The following SSX5 variants were observed in gnomAD, a reference collection of about 807,000 sequenced individuals.
SSX5 encodes the protein protein SSX5.
In SSX5, 14 loss-of-function variants were observed where a neutral mutation model predicts 14.9. That is an observed-to-expected ratio of 0.94 (90% confidence interval 0.62 to 1.47). The LOEUF is 1.47. Ranked by LOEUF, SSX5 falls within the 40% of genes most tolerant of loss-of-function variation. The pLI is 0.00. For synonymous variants in SSX5, 70 were observed against 55.4 expected, an observed-to-expected ratio of 1.26 and a Z score of -1.17; for missense variants, 204 against 154.6, an observed-to-expected ratio of 1.32 and a Z score of -1.70.
intron 2 of SSX5, 133 bp downstream of exon 2, chrX:48,195,157 G>T: frequency 1.7e-6 from 2 of 1,211,292 alleles, no homozygotes; most frequent in South Asian, 3.5e-5. Flanking sequence ...GAGAGTGAGA[G>T]GCTCCCAAGG....
chrX:48,191,211 A>T lies in SSX5; in HGVS notation c.331-943T>A, dbSNP rs1556924697. 2.7e-5 allele frequency among the ~76,000 whole-genome samples: 3 copies of T among 111,504 alleles called. No individual in the cohort carries two copies. The East Asian group carries it at 8.4e-4, about 31-fold the overall frequency. On this transcript the variant is annotated intron_variant, in intron 5 of 7. Coordinates refer to ENST00000347757, the MANE Select transcript of SSX5 (RefSeq NM_175723.2). ...AGCCACCACGCCCAGTCCTTAGGCTACTTTTTATTCAGCTTCCTCACTTAT... is the reference window on the plus strand; with the variant it reads ...AGCCACCACGCCCAGTCCTTAGGCTTCTTTTTATTCAGCTTCCTCACTTAT...
In SSX5 at chrX:48,190,702, G is replaced by C. The variant is rs1178588579; in HGVS notation, c.331-434C>G. Among the ~76,000 whole-genome samples the C allele has an allele frequency of 2.7e-5, 3 of 111,204 alleles. No homozygotes were observed. In the East Asian group the frequency reaches 8.5e-4, roughly 31 times the overall value. On this transcript the variant is annotated intron_variant, in intron 5 of 7. Coordinates refer to ENST00000347757, the MANE Select transcript of SSX5 (RefSeq NM_175723.2). The stretch of plus-strand genomic sequence containing the variant: ...CATACAGAGGGGACAAAACACTGCT[G>C]AACAAGATGGTGTGGGGAGATGTAT...
chrX:48,196,441 G>A (rs1469435079), intron 1 of SSX5, among the ~76,000 whole-genome samples: 1 of 104,777 alleles, frequency 9.5e-6, no homozygotes, highest in African/African-American at 3.5e-5. Context: ...GTGCACTGGC[G>A]TGATCATGGT....
Position 48,186,736 on chromosome X carries a change from T to C in SSX5, c.*125A>G, listed in dbSNP as rs781820270. 8.7e-7 allele frequency: 1 copy of C among 1,151,244 alleles called. No individual in the cohort carries two copies. The highest frequency in any genetic ancestry group is 3.0e-5 in the East Asian group (1 of 33,579). 94.9% of individuals were successfully genotyped at this position (1,151,244 alleles called of 1,213,427 possible). A position where few individuals can be genotyped will look rare whatever the true frequency, so the allele number is the denominator to read the frequency against. ...AAAAATGACGCTCAACTTTTCACTG[T>C]TGTGAACACTTGCTTTCACTTGCTA... On this transcript the variant is annotated 3_prime_UTR_variant, in exon 8 of 8. Transcript: ENST00000347757.
rs782359113 is a variant in SSX5 at position 48,190,260 on chromosome X, G to C, written c.339C>G (p.Pro113=). ...RLQGIFPKIT[P]EKPAEEGNDS... is the part of the protein sequence containing the mutation. ...CATTTCCTTCCTCTGCTGGCTTCTC[G>C]GGCGTGATCTTTATAATGTGAAGGT... Residue 113 remains proline (P), a synonymous_variant, in exon 6 of 8, where the codon CCC becomes CCG. Coordinates refer to ENST00000347757, the MANE Select transcript of SSX5 (RefSeq NM_175723.2). The C allele has an allele frequency of 5.0e-6, 6 of 1,198,879 alleles. No individual in the cohort carries two copies. The highest frequency in any genetic ancestry group is 2.3e-4 in the Middle Eastern group (1 of 4,264).
chrX:48,189,990 G>C lies in SSX5; in HGVS notation c.466+143C>G, dbSNP rs781926983. 1.2e-3 allele frequency: 1,076 copies of C among 883,561 alleles called. 6 individuals carry two copies. Among genetic ancestry groups the C allele is most frequent in the Non-Finnish European group, 1.5e-3 (1,030 of 667,870 alleles). The allele number at this position is 883,561 out of a possible 1,213,427, so 72.8% of individuals were successfully genotyped here. ...CAGTCTGTGTCTCTGGAAGTCATGT[G>C]TAACATCTCATCTGGAGCTGGGCGA... On this transcript the variant is annotated intron_variant, in intron 6 of 7. Transcript: ENST00000347757.
chrX:48,190,123 T>G lies in SSX5; in HGVS notation c.466+10A>C. 1 of 1,209,571 alleles carries G rather than the reference T, an allele frequency of 8.3e-7. No individual in the cohort carries two copies. Among genetic ancestry groups the G allele is most frequent in the Non-Finnish European group, 1.1e-6 (1 of 894,519 alleles). On this transcript the variant is annotated intron_variant, in intron 6 of 7. Coordinates refer to ENST00000347757, the MANE Select transcript of SSX5 (RefSeq NM_175723.2). Reference sequence around the variant, plus strand: ...GCCAGAGTGGTTGTTCCCAAATTCTTTTCTCTTACCAGATGTCTTGTTAAC... The same window carrying G: ...GCCAGAGTGGTTGTTCCCAAATTCTGTTCTCTTACCAGATGTCTTGTTAAC...
chrX:48,189,498 C>A, intron 6 of SSX5, among the ~76,000 whole-genome samples: 1 of 111,935 alleles, frequency 8.9e-6, no homozygotes, highest in Non-Finnish European at 1.9e-5. Flanking sequence ...GGATCCTCCA[C>A]CAGCAAAAAG....
rs61004107 is a variant in SSX5, at chrX:48,186,365, GGTGTGTGTGTGTGTGTGT to G, written c.*478_*495del. Reference sequence around the variant, plus strand: ...TTGGGAGATGCCTATACTGGTACTTGGTGTGTGTGTGTGTGTGTGTGTGTGTGTGTGTGTGTGTGCGCG... The same window carrying G: ...TTGGGAGATGCCTATACTGGTACTTGGTGTGTGTGTGTGTGTGTGTGCGCG... On this transcript the variant is annotated 3_prime_UTR_variant, in exon 8 of 8. Coordinates refer to ENST00000347757, the MANE Select transcript of SSX5 (RefSeq NM_175723.2). 182 of 130,440 alleles carry G rather than the reference GGTGTGTGTGTGTGTGTGT, an allele frequency of 1.4e-3. 2 individuals carry two copies. The highest frequency in any genetic ancestry group is 7.0e-3 in the African/African-American group (174 of 24,950). 10.7% of individuals were successfully genotyped at this position (130,440 alleles called of 1,213,427 possible).
chrX:48,188,479 A>G (rs1361182707), intron 6 of SSX5, among the ~76,000 whole-genome samples: 2 of 112,462 alleles, frequency 1.8e-5, no homozygotes, highest in African/African-American at 6.5e-5. Flanking sequence ...TTCTGGGGGT[A>G]ACAGGAACTG....
intron 7 of SSX5, among the ~76,000 whole-genome samples, 162 bp downstream of exon 7, chrX:48,187,464 CA>C (rs200731189): frequency 7.6e-5 from 8 of 104,629 alleles, no homozygotes; most frequent in South Asian, 4.1e-4. Context: ...CCCCCACCCA[CA>C]AAAAAAAACA....
intron 4 of SSX5, 36 bp downstream of exon 4, chrX:48,194,093 G>A: frequency 8.3e-7 from 1 of 1,199,067 alleles, no homozygotes. Context: ...AGTTGCGCTT[G>A]AGGAGACCCT....
chrX:48,196,001 A>G (rs1181942120), intron 1 of SSX5, among the ~76,000 whole-genome samples: 2 of 111,638 alleles, frequency 1.8e-5, no homozygotes, highest in Non-Finnish European at 3.8e-5. Flanking sequence ...AACATGCACA[A>G]TCAGCCAGGC....
intron 5 of SSX5, among the ~76,000 whole-genome samples, chrX:48,191,310 GTAA>G (rs1239089563): frequency 1.8e-5 from 2 of 111,813 alleles, no homozygotes; most frequent in African/African-American, 6.5e-5. Flanking sequence ...TTTAAATGTA[GTAA>G]TAATAACAAT....
intron 5 of SSX5, among the ~76,000 whole-genome samples, chrX:48,191,404 G>T (rs1556924733): frequency 8.9e-6 from 1 of 111,826 alleles, no homozygotes; most frequent in Non-Finnish European, 1.9e-5. Flanking sequence ...CTCTAAACCA[G>T]AGTTGAATCT....
At chrX:48,189,983 G>GT (rs1223267749) in intron 6 of SSX5, 150 bp downstream of exon 6, 13 of 857,450 alleles carry the variant, frequency 1.5e-5, no homozygotes, top group Middle Eastern at 3.0e-4. Context: ...GTCTCTGGAA[G>GT]TCATGTGTAA....
intron 4 of SSX5, among the ~76,000 whole-genome samples, chrX:48,193,615 G>T (rs2059428371): frequency 9.0e-6 from 1 of 110,700 alleles, no homozygotes; most frequent in Non-Finnish European, 1.9e-5. Flanking sequence ...TGGGCGTTTG[G>T]GTGGGCGCCT....
At chrX:48,192,441 G>A in intron 4 of SSX5, 160 bp from the exon 5 acceptor site, 1 of 842,936 alleles carries the variant, frequency 1.2e-6, no homozygotes, top group Non-Finnish European at 1.7e-6. Context: ...AGTCATGGTT[G>A]GTGCATTTAT....
At chrX:48,188,874 C>G (rs781969681) in intron 6 of SSX5, among the ~76,000 whole-genome samples, 1 of 112,086 alleles carries the variant, frequency 8.9e-6, no homozygotes, top group Non-Finnish European at 1.9e-5. Flanking sequence ...TACTAATACT[C>G]CAGTGAACAC....
Sources: allele counts gnomAD v4.1 joint callset (sites outside exome capture counted in the v4.1 genomes callset), GRCh38; gene constraint gnomAD v4.1.1; transcripts MANE v1.5; gene names NCBI Gene and HGNC (gene_info 2026-07-23, HGNC 2026-07-21).